The following ERG variants were observed in gnomAD, a reference collection of about 807,000 sequenced individuals.
The protein encoded by ERG is transcriptional regulator ERG.
Under a neutral mutation model 55.3 loss-of-function variants are expected in ERG, and 9 were observed. That is an observed-to-expected ratio of 0.16 (90% CI 0.10 to 0.28). The LOEUF (loss-of-function observed/expected upper bound fraction) is 0.28. Ranked by LOEUF, ERG falls within the 10% of genes least tolerant of loss-of-function variation. The probability of loss-of-function intolerance (pLI) is 1.00; values close to 1 mark genes in which losing one functional copy is unlikely to be tolerated. For synonymous variants in ERG, 223 were observed against 237.3 expected (o/e 0.94, Z 0.55); for missense variants, 434 against 631.6 (o/e 0.69, Z 3.35).
intron 6 of ERG, among the ~76,000 whole-genome samples, chr21:38,397,692 G>T (rs1375929459): frequency 6.6e-6 from 1 of 152,022 alleles, no homozygotes; most frequent in Non-Finnish European, 1.5e-5. Flanking sequence ...CTCACAGTGG[G>T]AAGGGAAGGA....
At chr21:38,469,871 A>T (rs1476044545) in intron 1 of ERG, among the ~76,000 whole-genome samples, 3 of 152,188 alleles carry the variant, frequency 2.0e-5, no homozygotes, top group Non-Finnish European at 4.4e-5. Flanking sequence ...GATCTGCATA[A>T]ATTATGGGTA....
chr21:38,569,282 G>A (rs188888530), intron 2 of ERG, among the ~76,000 whole-genome samples: 9 of 152,322 alleles, frequency 5.9e-5, no homozygotes, highest in Admixed American at 1.3e-4. Flanking sequence ...AAAAGGGTGC[G>A]GTGGAAAAAC....
intron 1 of ERG, among the ~76,000 whole-genome samples, chr21:38,486,897 A>C (rs2059290399): frequency 6.6e-6 from 1 of 152,188 alleles, no homozygotes; most frequent in African/African-American, 2.4e-5. Flanking sequence ...TTCAAAGCAC[A>C]TACAAGTATT....
intron 1 of ERG, among the ~76,000 whole-genome samples, chr21:38,631,446 T>C (rs2060356319): frequency 6.6e-6 from 1 of 152,170 alleles, no homozygotes; most frequent in African/African-American, 2.4e-5. Flanking sequence ...AAATTTTGCT[T>C]TTAGTGGTAA....
intron 1 of ERG, among the ~76,000 whole-genome samples, chr21:38,465,803 T>C (rs952662445): frequency 2.6e-5 from 4 of 152,238 alleles, no homozygotes; most frequent in South Asian, 2.1e-4. Context: ...CTAACCACTT[T>C]ACTTTGGTTC....
At chr21:38,611,560 G>A (rs758586622) in intron 1 of ERG, among the ~76,000 whole-genome samples, 6 of 152,092 alleles carry the variant, frequency 3.9e-5, no homozygotes, top group Admixed American at 6.5e-5. Context: ...GATAGCTCCC[G>A]GCTCCCCCTT....
Position 38,616,223 on chromosome 21 carries a change from C to T in ERG, c.-149-31278G>A, listed in dbSNP as rs143314132. 2.9e-3 allele frequency among the ~76,000 whole-genome samples: 436 copies of T among 152,258 alleles called. 5 individuals carry two copies. The highest frequency in any genetic ancestry group is 0.01 in the African/African-American group (421 of 41,556). On this transcript the variant is annotated intron_variant, in intron 1 of 10. Transcript: ENST00000398910. ...TGTAAGTTTCCTGAGGCCTCCCCAGCCATGCATAGCTGTGAGTCAATTAAA... is the reference window on the plus strand; with the variant it reads ...TGTAAGTTTCCTGAGGCCTCCCCAGTCATGCATAGCTGTGAGTCAATTAAA...
Position 38,382,419 on chromosome 21 carries a change from T to C in ERG, c.*984A>G, listed in dbSNP as rs1195143202. On this transcript the variant is annotated 3_prime_UTR_variant, in exon 10 of 10. Transcript: ENST00000288319. ...CCACATAATGATGAGGTCCTGAATG[T>C]TTCTCTTAAATATCAGACAATTCCA... 9.4e-7 allele frequency: 1 copy of C among 1,061,266 alleles called. No homozygotes were observed. The allele number at this position is 1,061,266 out of a possible 1,614,324, so 65.7% of individuals were successfully genotyped here.
intron 1 of ERG, among the ~76,000 whole-genome samples, chr21:38,605,217 A>T (rs2060189438): frequency 6.6e-6 from 1 of 152,218 alleles, no homozygotes; most frequent in African/African-American, 2.4e-5. Flanking sequence ...AAATTATATT[A>T]AAAATGTGAT....
intron 2 of ERG, among the ~76,000 whole-genome samples, chr21:38,432,280 G>C (rs970463204): frequency 6.6e-6 from 1 of 152,070 alleles, no homozygotes; most frequent in Non-Finnish European, 1.5e-5. Context: ...TATTTGTATA[G>C]ATGGGGTCTC....
At chr21:38,600,100 C>T (rs962765403) in intron 1 of ERG, among the ~76,000 whole-genome samples, 7 of 152,126 alleles carry the variant, frequency 4.6e-5, no homozygotes, top group African/African-American at 1.2e-4. Flanking sequence ...TTTACAAGAG[C>T]GAGCATATCA....
At chr21:38,426,770 A>T (rs1416917225) in intron 2 of ERG, among the ~76,000 whole-genome samples, 2 of 89,264 alleles carry the variant, frequency 2.2e-5, no homozygotes, top group African/African-American at 7.4e-5. Context: ...GTCTCTACTT[A>T]AAAAAAAAAA....
At chr21:38,579,228 C>T (rs1195236250) in intron 1 of ERG, among the ~76,000 whole-genome samples, 5 of 152,180 alleles carry the variant, frequency 3.3e-5, no homozygotes, top group African/African-American at 4.8e-5. Flanking sequence ...AGCAGCCACT[C>T]GGTCTGTAAC....
At chr21:38,646,300 AAAAC>A (rs1400598318) in intron 1 of ERG, among the ~76,000 whole-genome samples, 10 of 148,432 alleles carry the variant, frequency 6.7e-5, no homozygotes, top group African/African-American at 2.5e-4. Context: ...AAAAAAAAGC[AAAAC>A]AAACAAAAAC....
At chr21:38,477,533 G>A (rs1016183086) in intron 1 of ERG, among the ~76,000 whole-genome samples, 1 of 152,110 alleles carries the variant, frequency 6.6e-6, no homozygotes, top group Non-Finnish European at 1.5e-5. Flanking sequence ...GTGAAATACC[G>A]AGTGGTTAGA....
At chr21:38,397,064 C>T (rs914450539) in intron 6 of ERG, among the ~76,000 whole-genome samples, 5 of 151,930 alleles carry the variant, frequency 3.3e-5, no homozygotes, top group Non-Finnish European at 7.4e-5. Context: ...ATCAGGAAAA[C>T]GTGGGAAAAT....
upstream of ERG, among the ~76,000 whole-genome samples, chr21:38,499,946 T>G (rs77285008): frequency 0.012 from 1,884 of 152,278 alleles, 49 homozygotes; most frequent in African/African-American, 0.043. Context: ...AATCAGAACC[T>G]AAGTTCTCAG....
At chr21:38,474,292 GT>G (rs762258215) in intron 1 of ERG, among the ~76,000 whole-genome samples, 11 of 151,124 alleles carry the variant, frequency 7.3e-5, no homozygotes, top group Admixed American at 1.3e-4. Flanking sequence ...AAGCCAAGAA[GT>G]GGGAGGTCAC....
chr21:38,596,713 G>C (rs925830351), intron 1 of ERG, among the ~76,000 whole-genome samples: 3 of 152,132 alleles, frequency 2.0e-5, no homozygotes, highest in African/African-American at 7.2e-5. Context: ...GCAAAGTTTT[G>C]GCAACGAGTC....
Sources: allele counts gnomAD v4.1 joint callset (sites outside exome capture counted in the v4.1 genomes callset), GRCh38; gene constraint gnomAD v4.1.1; transcripts MANE v1.5; gene names NCBI Gene and HGNC (gene_info 2026-07-23, HGNC 2026-07-21).